MAPK8: variants seen among roughly 807,000 people sequenced by gnomAD.
The protein encoded by MAPK8 is JUN N-terminal kinase.
Under a neutral mutation model 52.9 loss-of-function variants are expected in MAPK8, and 13 were observed. That is an observed-to-expected ratio of 0.25 (90% CI 0.16 to 0.39). MAPK8 has a LOEUF of 0.39. Ranked by LOEUF, MAPK8 falls within the 10% of genes least tolerant of loss-of-function variation. The probability of loss-of-function intolerance (pLI) is 1.00; values close to 1 mark genes in which losing one functional copy is unlikely to be tolerated. For missense variants in MAPK8, 300 were observed against 519.2 expected (o/e 0.58, Z 4.10); for synonymous variants, 191 against 169.8 (o/e 1.12, Z -0.97).
chr10:48,316,995 T>C (rs1411761838), intron 1 of MAPK8, among the ~76,000 whole-genome samples: 2 of 152,176 alleles, frequency 1.3e-5, no homozygotes, highest in African/African-American at 2.4e-5. Context: ...TTGTGCTTTA[T>C]GTATGTTAAA....
rs1360862870 is a variant in MAPK8 at position 48,437,263 on chromosome 10, A to G, written c.*2234A>G. The G allele has an allele frequency of 6.6e-6, 1 of 152,232 alleles. No individual in the cohort carries two copies. The highest frequency in any genetic ancestry group is 2.4e-5 in the African/African-American group (1 of 41,462). 9.4% of individuals were successfully genotyped at this position (152,232 alleles called of 1,614,324 possible). A position where few individuals can be genotyped will look rare whatever the true frequency, so the allele number is the denominator to read the frequency against. ...TGTTGCATGCCCTAGGTTTTAAATTACTACATCCAAATACAGTTTTCGTCT... is the reference window on the plus strand; with the variant it reads ...TGTTGCATGCCCTAGGTTTTAAATTGCTACATCCAAATACAGTTTTCGTCT... On this transcript the variant is annotated 3_prime_UTR_variant, in exon 12 of 12. Transcript: ENST00000374189.
intron 1 of MAPK8, among the ~76,000 whole-genome samples, chr10:48,309,174 A>T (rs1336450577): frequency 1.3e-5 from 2 of 152,212 alleles, no homozygotes; most frequent in Non-Finnish European, 2.9e-5. Flanking sequence ...GTTGGTTTTT[A>T]AAAATAGCTT....
intron 1 of MAPK8, among the ~76,000 whole-genome samples, chr10:48,395,342 A>G (rs2041833737): frequency 6.6e-6 from 1 of 152,084 alleles, no homozygotes; most frequent in Non-Finnish European, 1.5e-5. Flanking sequence ...TAGTTCAGAA[A>G]TAGGCCCAGA....
intron 11 of MAPK8, among the ~76,000 whole-genome samples, chr10:48,431,508 A>C (rs2044259055): frequency 6.6e-6 from 1 of 152,222 alleles, no homozygotes; most frequent in African/African-American, 2.4e-5. Flanking sequence ...ACAGAAATTT[A>C]AAAACTTTTT....
At chr10:48,427,296 G>T (rs1003975882) in intron 10 of MAPK8, 153 bp downstream of exon 10, 12 of 513,000 alleles carry the variant, frequency 2.3e-5, no homozygotes, top group African/African-American at 1.9e-4. Context: ...AAGTAAGTCT[G>T]CTTCCTTCCT....
intron 1 of MAPK8, among the ~76,000 whole-genome samples, chr10:48,375,982 C>G (rs561273321): frequency 1.7e-4 from 26 of 152,230 alleles, no homozygotes; most frequent in African/African-American, 6.0e-4. Context: ...TACCTGACTT[C>G]AAACTATACT....
At chr10:48,343,330 C>T (rs1030152896) in intron 1 of MAPK8, among the ~76,000 whole-genome samples, 5 of 152,146 alleles carry the variant, frequency 3.3e-5, no homozygotes, top group Non-Finnish European at 5.9e-5. Flanking sequence ...ACTGCCTACA[C>T]GGTCAGATTG....
At chr10:48,342,472 T>A (rs1845388384) in intron 1 of MAPK8, among the ~76,000 whole-genome samples, 4 of 152,178 alleles carry the variant, frequency 2.6e-5, no homozygotes, top group Non-Finnish European at 5.9e-5. Flanking sequence ...GGGAGAACAG[T>A]AGAAGTCATT....
At chr10:48,373,512 A>G (rs572109732) in intron 1 of MAPK8, among the ~76,000 whole-genome samples, 5 of 150,064 alleles carry the variant, frequency 3.3e-5, no homozygotes, top group East Asian at 3.9e-4. Context: ...TTCACGTGCA[A>G]AGACACACAT....
At chr10:48,326,216 A>G (rs1843505533) in intron 1 of MAPK8, among the ~76,000 whole-genome samples, 1 of 152,144 alleles carries the variant, frequency 6.6e-6, no homozygotes, top group Non-Finnish European at 1.5e-5. Context: ...TCTCCCATTT[A>G]GTAATTTGTT....
chr10:48,391,708 A>T (rs561667328), intron 1 of MAPK8, among the ~76,000 whole-genome samples: 2 of 152,194 alleles, frequency 1.3e-5, no homozygotes, highest in Non-Finnish European at 2.9e-5. Context: ...ATAGCATGAG[A>T]TCTCACAAGT....
chr10:48,373,836 C>T (rs1452399165), intron 1 of MAPK8, among the ~76,000 whole-genome samples: 1 of 152,018 alleles, frequency 6.6e-6, no homozygotes, highest in Non-Finnish European at 1.5e-5. Context: ...TTAGATAGAT[C>T]AACGAGACAG....
chr10:48,375,197 T>C (rs2040579959), intron 1 of MAPK8, among the ~76,000 whole-genome samples: 1 of 152,174 alleles, frequency 6.6e-6, no homozygotes, highest in Non-Finnish European at 1.5e-5. Flanking sequence ...CAGCCCCTCA[T>C]GCTAAATACT....
chr10:48,325,211 A>G (rs1314992108), intron 1 of MAPK8, among the ~76,000 whole-genome samples: 2 of 152,080 alleles, frequency 1.3e-5, no homozygotes, highest in African/African-American at 4.8e-5. Context: ...CCTGACCTCA[A>G]GTGATCTGCC....
intron 3 of MAPK8, among the ~76,000 whole-genome samples, chr10:48,407,046 A>G (rs1474383930): frequency 6.6e-6 from 1 of 152,218 alleles, no homozygotes; most frequent in Non-Finnish European, 1.5e-5. Flanking sequence ...AGAATTAAGT[A>G]TAGTACTTCA....
chr10:48,336,383 A>AAGT (rs1170087723), intron 1 of MAPK8, among the ~76,000 whole-genome samples: 1 of 152,116 alleles, frequency 6.6e-6, no homozygotes, highest in East Asian at 1.9e-4. Context: ...TGCAGTAAAA[A>AAGT]AGTTCCTCAC....
chr10:48,320,008 C>T lies in MAPK8; in HGVS notation c.-50+13187C>T, dbSNP rs1039572965. Among the ~76,000 whole-genome samples, 9 of 151,774 alleles carry T rather than the reference C, an allele frequency of 5.9e-5. No homozygotes were observed. The South Asian group carries it at 1.7e-3, about 28-fold the overall frequency. On this transcript the variant is annotated intron_variant, in intron 1 of 11. Coordinates refer to ENST00000374189, the MANE Select transcript of MAPK8 (RefSeq NM_001323329.2). Reference sequence around the variant, plus strand: ...CTTGGCTCACTGCAACCTCTGCCTTCCTGGTTCAAGTGATTCTCCTACCTC... The same window carrying T: ...CTTGGCTCACTGCAACCTCTGCCTTTCTGGTTCAAGTGATTCTCCTACCTC...
intron 1 of MAPK8, among the ~76,000 whole-genome samples, chr10:48,335,912 G>A (rs554658923): frequency 3.7e-4 from 56 of 152,128 alleles, no homozygotes; most frequent in South Asian, 6.2e-4. Flanking sequence ...TCTATCTTGC[G>A]TTTTAAATGA....
intron 1 of MAPK8, among the ~76,000 whole-genome samples, chr10:48,317,544 T>C (rs1383235429): frequency 6.6e-6 from 1 of 152,170 alleles, no homozygotes; most frequent in Non-Finnish European, 1.5e-5. Flanking sequence ...TAAGATTAGC[T>C]CTGAAGTGAA....
Sources: allele counts gnomAD v4.1 joint callset (sites outside exome capture counted in the v4.1 genomes callset), GRCh38; gene constraint gnomAD v4.1.1; transcripts MANE v1.5; gene names NCBI Gene and HGNC (gene_info 2026-07-23, HGNC 2026-07-21).